The following CDH4 variants were observed in gnomAD, a reference collection of about 807,000 sequenced individuals.
The protein encoded by CDH4 is cadherin 4, also known as cadherin-4.
Under a neutral mutation model 86.0 loss-of-function variants are expected in CDH4, and 33 were observed. The observed-to-expected ratio is 0.38, with a 90% confidence interval of 0.29 to 0.51. The LOEUF is 0.51. Among genes scored for constraint, CDH4 ranks in the 20% least tolerant of loss-of-function variants. The pLI is 0.86. For missense variants in CDH4, 1,114 were observed against 1,307.4 expected, an observed-to-expected ratio of 0.85 and a Z score of 2.28; for synonymous variants, 555 against 549.4, an observed-to-expected ratio of 1.01 and a Z score of -0.14.
intron 4 of CDH4, among the ~76,000 whole-genome samples, chr20:61,834,817 G>A (rs541013519): frequency 3.3e-5 from 5 of 152,328 alleles, no homozygotes; most frequent in African/African-American, 1.2e-4. Flanking sequence ...TTCCTAGCCC[G>A]AGTCAGAAGC....
rs1357187846 is a variant in CDH4 at position 61,593,068 on chromosome 20, G to A, written c.170-150495G>A. On this transcript the variant is annotated intron_variant, in intron 2 of 15. Coordinates refer to ENST00000614565, the MANE Select transcript of CDH4 (RefSeq NM_001794.5). ...AAACAGAGGTCAAGGTGACATGGAA[G>A]ACAAGGAAATGATTCTACCCAGAAG... is the stretch of plus-strand genomic sequence containing the variant. Among the ~76,000 whole-genome samples, 5 of 152,320 alleles carry A rather than the reference G, an allele frequency of 3.3e-5. No homozygotes were observed. The East Asian group carries it at 7.7e-4, about 23-fold the overall frequency.
At chr20:61,799,799 G>A (rs926396737) in intron 4 of CDH4, among the ~76,000 whole-genome samples, 9 of 152,168 alleles carry the variant, frequency 5.9e-5, no homozygotes, top group South Asian at 2.1e-4. Context: ...TTTCCTTCCC[G>A]TGCTGCCTTC....
In CDH4 at chr20:61,853,553, A is replaced by T. The variant is rs1982840718; in HGVS notation, c.877+655A>T. ...TTTTTCATGTGTGGGGCCCTAGCTGAGCGTGTCATGTCTTGCATCTCTGCC... is the reference window on the plus strand; with the variant it reads ...TTTTTCATGTGTGGGGCCCTAGCTGTGCGTGTCATGTCTTGCATCTCTGCC... On this transcript the variant is annotated intron_variant, in intron 6 of 15. Coordinates refer to ENST00000614565, the MANE Select transcript of CDH4 (RefSeq NM_001794.5). 2.0e-5 allele frequency among the ~76,000 whole-genome samples: 3 copies of T among 151,898 alleles called. No individual in the cohort carries two copies. In the East Asian group the frequency reaches 5.8e-4, roughly 29 times the overall value.
At chr20:61,875,654 T>C (rs1298223051) in intron 7 of CDH4, among the ~76,000 whole-genome samples, 1 of 152,180 alleles carries the variant, frequency 6.6e-6, no homozygotes. Context: ...TCCCAGCACC[T>C]TCACCTCAGG....
chr20:61,327,282 C>A (rs1323040530), intron 2 of CDH4, among the ~76,000 whole-genome samples: 1 of 152,092 alleles, frequency 6.6e-6, no homozygotes, highest in Non-Finnish European at 1.5e-5. Flanking sequence ...TAAATAGAAA[C>A]CTGAGCAAAA....
chr20:61,896,360 G>A (rs568855734), intron 8 of CDH4, among the ~76,000 whole-genome samples: 4 of 152,354 alleles, frequency 2.6e-5, no homozygotes, highest in East Asian at 1.9e-4. Flanking sequence ...TCGCCACAGC[G>A]GCCGTCCCGC....
intron 2 of CDH4, among the ~76,000 whole-genome samples, chr20:61,528,605 C>A (rs1279110024): frequency 6.7e-6 from 1 of 150,106 alleles, no homozygotes; most frequent in Non-Finnish European, 1.5e-5. Context: ...CCCATCTCCA[C>A]AAAAAAGAAA....
chr20:61,445,328 C>T (rs542470693), intron 2 of CDH4, among the ~76,000 whole-genome samples: 80 of 152,302 alleles, frequency 5.3e-4, no homozygotes, highest in Middle Eastern at 3.4e-3. Flanking sequence ...TGCTCAGAGT[C>T]TGACTCCGAA....
intron 2 of CDH4, among the ~76,000 whole-genome samples, chr20:61,382,364 T>A (rs1387153480): frequency 1.3e-5 from 2 of 152,178 alleles, no homozygotes; most frequent in African/African-American, 4.8e-5. Context: ...GAGAGCCTTA[T>A]GCCAAGAGGA....
intron 2 of CDH4, among the ~76,000 whole-genome samples, chr20:61,334,768 G>A (rs550743560): frequency 2.6e-5 from 4 of 152,344 alleles, no homozygotes; most frequent in African/African-American, 9.6e-5. Flanking sequence ...GCCTCCTGGG[G>A]TGGAAGCTCA....
chr20:61,883,326 C>G (rs577100635), intron 7 of CDH4, among the ~76,000 whole-genome samples: 2 of 152,208 alleles, frequency 1.3e-5, no homozygotes, highest in Admixed American at 6.5e-5. Context: ...TATTTGCTGT[C>G]GGTCTCCTCC....
intron 6 of CDH4, among the ~76,000 whole-genome samples, chr20:61,863,217 T>G (rs1983404632): frequency 6.6e-6 from 1 of 152,226 alleles, no homozygotes; most frequent in African/African-American, 2.4e-5. Context: ...CCTTTACCTG[T>G]TAGCACGATC....
At chr20:61,569,141 C>G (rs996865774) in intron 2 of CDH4, among the ~76,000 whole-genome samples, 7 of 152,172 alleles carry the variant, frequency 4.6e-5, no homozygotes, top group Non-Finnish European at 7.3e-5. Context: ...AGCAACTGGC[C>G]TTCCCCGAAC....
intron 5 of CDH4, among the ~76,000 whole-genome samples, chr20:61,849,491 C>T (rs1449738803): frequency 6.6e-6 from 1 of 152,220 alleles, no homozygotes; most frequent in Non-Finnish European, 1.5e-5. Context: ...AGGCCAAAAT[C>T]AAAGTGCCGG....
chr20:61,418,835 GCACCCCCA>G (rs1206829445), intron 2 of CDH4, among the ~76,000 whole-genome samples: 3 of 152,020 alleles, frequency 2.0e-5, no homozygotes, highest in Non-Finnish European at 4.4e-5. Context: ...TTATATGGCA[GCACCCCCA>G]CACCCCCGCA....
chr20:61,645,032 A>G (rs540114913), intron 2 of CDH4, among the ~76,000 whole-genome samples: 2 of 152,176 alleles, frequency 1.3e-5, no homozygotes, highest in Non-Finnish European at 2.9e-5. Context: ...GTCTCTTCTT[A>G]CAAGGTCACT....
chr20:61,367,380 T>C (rs890517870), intron 2 of CDH4, among the ~76,000 whole-genome samples: 4 of 152,150 alleles, frequency 2.6e-5, no homozygotes, highest in African/African-American at 9.7e-5. Flanking sequence ...CTCCTGCTAA[T>C]TATAAGTGAA....
intron 2 of CDH4, among the ~76,000 whole-genome samples, chr20:61,311,966 T>A (rs1388835756): frequency 2.6e-5 from 4 of 152,280 alleles, no homozygotes; most frequent in Non-Finnish European, 5.9e-5. Context: ...ACATGTGTAC[T>A]GTATGTGTTT....
Position 61,429,562 on chromosome 20 carries a change from G to A in CDH4, c.169+174625G>A, listed in dbSNP as rs1353275047. Among the ~76,000 whole-genome samples the A allele has an allele frequency of 2.0e-5, 3 of 151,338 alleles. No homozygotes were observed. The East Asian group carries it at 5.8e-4, about 29-fold the overall frequency. Reference sequence around the variant, plus strand: ...GTGTGAGTGGATGGATGGATGGGTGGATGGATAGGTGGACAGATGGGTGGG... The same window carrying A: ...GTGTGAGTGGATGGATGGATGGGTGAATGGATAGGTGGACAGATGGGTGGG... On this transcript the variant is annotated intron_variant, in intron 2 of 15. Transcript: ENST00000614565.
Sources: allele counts gnomAD v4.1 joint callset (sites outside exome capture counted in the v4.1 genomes callset), GRCh38; gene constraint gnomAD v4.1.1; transcripts MANE v1.5; gene names NCBI Gene and HGNC (gene_info 2026-07-23, HGNC 2026-07-21).